The following TENM3 variants were observed in gnomAD, a reference collection of about 807,000 sequenced individuals.
TENM3 encodes the protein teneurin transmembrane protein 3, also known as teneurin-3.
In TENM3, 63 loss-of-function variants were observed where a neutral mutation model predicts 255.1. The observed-to-expected ratio is 0.25, with a 90% CI of 0.20 to 0.30. TENM3 has a LOEUF of 0.30. Ranked by LOEUF, TENM3 falls within the 10% of genes least tolerant of loss-of-function variation. The pLI, the probability that TENM3 is intolerant of heterozygous loss-of-function variation, is 1.00. For missense variants in TENM3, 2,929 were observed against 3,461.1 expected (o/e 0.85, Z 3.86); for synonymous variants, 1,306 against 1,322.3 (o/e 0.99, Z 0.27).
the TENM3 span, among the ~76,000 whole-genome samples, chr4:181,493,614 G>A: frequency 6.6e-6 from 1 of 152,006 alleles, no homozygotes; most frequent in African/African-American, 2.4e-5. Context: ...GGGCATGGTG[G>A]TGCATGCCTG....
the TENM3 span, among the ~76,000 whole-genome samples, chr4:181,753,804 C>A: frequency 6.6e-6 from 1 of 152,140 alleles, no homozygotes; most frequent in African/African-American, 2.4e-5. Flanking sequence ...ATGCAGATGG[C>A]AGAGTGACTT....
At chr4:182,124,012 T>A in the TENM3 span, among the ~76,000 whole-genome samples, 1 of 152,144 alleles carries the variant, frequency 6.6e-6, no homozygotes, top group Non-Finnish European at 1.5e-5. Context: ...TTCAGGAGTT[T>A]TTATTTGAAA....
At chr4:182,386,228 T>C (rs1284591354) in intron 3 of TENM3, among the ~76,000 whole-genome samples, 1 of 152,232 alleles carries the variant, frequency 6.6e-6, no homozygotes, top group African/African-American at 2.4e-5. Flanking sequence ...TAATTGTGAA[T>C]AGCAAACAAC....
intron 1 of TENM3, among the ~76,000 whole-genome samples, chr4:182,230,809 AAACTATATATATATATATATATATATAT>A (rs1756506179): frequency 1.2e-5 from 1 of 85,920 alleles, no homozygotes; most frequent in Non-Finnish European, 2.2e-5. Flanking sequence ...ACAGTTTCTC[AAACTATATATATATATATATATATATAT>A]ATATATATAT....
the TENM3 span, among the ~76,000 whole-genome samples, chr4:181,866,038 G>A: frequency 2.0e-5 from 3 of 152,142 alleles, no homozygotes; most frequent in South Asian, 6.2e-4. Flanking sequence ...CTAAATATTT[G>A]CAAGGGGTAT....
chr4:181,492,632 A>G, the TENM3 span, among the ~76,000 whole-genome samples: 1 of 152,206 alleles, frequency 6.6e-6, no homozygotes, highest in Non-Finnish European at 1.5e-5. Flanking sequence ...GGTTTTATTT[A>G]CACAATTAGA....
intron 3 of TENM3, among the ~76,000 whole-genome samples, chr4:182,521,578 G>T (rs980833126): frequency 3.1e-5 from 4 of 129,794 alleles, no homozygotes; most frequent in Non-Finnish European, 6.7e-5. Flanking sequence ...GTAGCAAATG[G>T]GGGGGTCGCT....
chr4:182,179,920 T>C (rs541562800), intron 1 of TENM3, among the ~76,000 whole-genome samples: 5 of 152,330 alleles, frequency 3.3e-5, no homozygotes, highest in African/African-American at 9.6e-5. Context: ...TCAGACCTCA[T>C]ATTCAGATCC....
the TENM3 span, among the ~76,000 whole-genome samples, chr4:181,953,537 T>C: frequency 6.6e-6 from 1 of 151,816 alleles, no homozygotes; most frequent in East Asian, 1.9e-4. Context: ...CTCCACCTGC[T>C]TGAGGTAGGT....
chr4:182,368,045 A>G (rs555279949), intron 3 of TENM3, among the ~76,000 whole-genome samples: 4 of 152,320 alleles, frequency 2.6e-5, no homozygotes, highest in African/African-American at 9.6e-5. Flanking sequence ...CTGCTAGAGT[A>G]AGACCCTAGC....
In TENM3 at chr4:182,799,719, G is replaced by C; in HGVS notation, c.7468G>C (p.Ala2490Pro). ...CGGCGCGCAGTCCTGGCTGTGGTTCGCCACGGTCAAGTCGCTGATCGGCAA... is the reference window on the plus strand; with the variant it reads ...CGGCGCGCAGTCCTGGCTGTGGTTCCCCACGGTCAAGTCGCTGATCGGCAA... ...AGGAQSWLWF[A>P]TVKSLIGKGV... The change falls in exon 28 of 28, where the codon GCC becomes CCC. Residue 2490 changes from alanine to proline, a missense_variant. Ala to Pro is a conservative substitution (Grantham distance 27). Around this residue, in one of 6 missense-constraint regions of TENM3, gnomAD observed 476 missense variants for 480.1 expected, o/e 0.99. Transcript: ENST00000511685. This position sits in a 1 kb window ranked among gnomAD's most constrained non-coding sequence, Gnocchi z 4.2. 6.4e-7 allele frequency: 1 copy of C among 1,552,476 alleles called. No individual in the cohort carries two copies. Among genetic ancestry groups the C allele is most frequent in the African/African-American group, 1.4e-5 (1 of 73,202 alleles).
intron 1 of TENM3, among the ~76,000 whole-genome samples, chr4:182,247,231 G>A: frequency 6.6e-6 from 1 of 152,186 alleles, no homozygotes; most frequent in East Asian, 1.9e-4. Context: ...GACATATAGA[G>A]GTGGATACCA....
In TENM3 at chr4:182,793,157, T is replaced by C; in HGVS notation, c.6485T>C (p.Leu2162Pro). ...NYDLNGNLHLLNPSNSARLTP... is the reference protein window; with the variant it reads ...NYDLNGNLHLPNPSNSARLTP... ...GATCTGAATGGAAACCTCCATTTACTGAACCCAAGTAACAGTGCGCGTCTG... is the reference window on the plus strand; with the variant it reads ...GATCTGAATGGAAACCTCCATTTACCGAACCCAAGTAACAGTGCGCGTCTG... Residue 2162 changes from leucine to proline, a missense_variant, in exon 26 of 28, where the codon CTG (leucine) becomes CCG (proline). Leu to Pro is a moderately conservative substitution (Grantham distance 98). This residue lies in a region of TENM3 where 256 missense variants were observed against 389.3 expected (regional missense o/e 0.66). Coordinates refer to ENST00000511685, the MANE Select transcript of TENM3 (RefSeq NM_001080477.4). The surrounding 1 kb of genome is among the most constrained non-coding windows in gnomAD (Gnocchi z 5.7). 1 of 1,614,052 alleles carries C rather than the reference T, an allele frequency of 6.2e-7. No homozygotes were observed. The highest frequency in any genetic ancestry group is 8.5e-7 in the Non-Finnish European group (1 of 1,179,900).
At chr4:181,959,564 A>G in the TENM3 span, among the ~76,000 whole-genome samples, 1 of 152,350 alleles carries the variant, frequency 6.6e-6, no homozygotes, top group African/African-American at 2.4e-5. Context: ...TAAAGCAACA[A>G]AGGGTAGCCA....
At chr4:182,491,147 T>C (rs1274943585) in intron 3 of TENM3, among the ~76,000 whole-genome samples, 2 of 152,196 alleles carry the variant, frequency 1.3e-5, no homozygotes, top group Non-Finnish European at 2.9e-5. Flanking sequence ...CTGAATACAG[T>C]GTGGTCAGTA....
At chr4:182,250,054 C>CTTTT (rs957483629) in intron 1 of TENM3, among the ~76,000 whole-genome samples, 3 of 128,446 alleles carry the variant, frequency 2.3e-5, no homozygotes, top group South Asian at 2.4e-4. Flanking sequence ...TTTCTTTTTT[C>CTTTT]TTTTTTTTTT....
chr4:182,739,937 G>A (rs1377747794), intron 18 of TENM3, among the ~76,000 whole-genome samples: 1 of 152,220 alleles, frequency 6.6e-6, no homozygotes, highest in African/African-American at 2.4e-5. Flanking sequence ...TCGGGAGGCT[G>A]AGGTGGGAGA....
chr4:181,697,628 G>A, the TENM3 span, among the ~76,000 whole-genome samples: 5 of 151,928 alleles, frequency 3.3e-5, no homozygotes, highest in Non-Finnish European at 7.4e-5. Context: ...TCCTGACCTC[G>A]TGATCCGCCT....
chr4:182,488,130 G>C (rs76038544), intron 3 of TENM3, among the ~76,000 whole-genome samples: 219 of 152,300 alleles, frequency 1.4e-3, no homozygotes, highest in African/African-American at 5.0e-3. Context: ...AGTGGATAAT[G>C]ATGGGCAAGA....
Sources: allele counts gnomAD v4.1 joint callset (sites outside exome capture counted in the v4.1 genomes callset), GRCh38; gene constraint gnomAD v4.1.1; regional missense constraint gnomAD v4.1.1; non-coding constraint Gnocchi (gnomAD v3.1); transcripts MANE v1.5; gene names NCBI Gene and HGNC (gene_info 2026-07-23, HGNC 2026-07-21).